PTPRD: variants seen among roughly 807,000 people sequenced by gnomAD.
PTPRD encodes receptor-type tyrosine-protein phosphatase delta.
In PTPRD, 34 loss-of-function variants were observed where a neutral mutation model predicts 214.5. That is an observed-to-expected ratio of 0.16 (90% CI 0.12 to 0.21). The LOEUF is 0.21. Among genes scored for constraint, PTPRD ranks in the 10% least tolerant of loss-of-function variants. The pLI, the probability that PTPRD is intolerant of heterozygous loss-of-function variation, is 1.00. For missense variants in PTPRD, 2,545 were observed against 2,398.7 expected (o/e 1.06, Z -1.27); for synonymous variants, 1,128 against 845.7 (o/e 1.33, Z -5.79).
intron 8 of PTPRD, among the ~76,000 whole-genome samples, chr9:9,499,801 T>C (rs1168359830): frequency 6.6e-6 from 1 of 152,132 alleles, no homozygotes; most frequent in Non-Finnish European, 1.5e-5. Flanking sequence ...CAGTGCCTGA[T>C]TTCTTTCCTT....
intron 9 of PTPRD, among the ~76,000 whole-genome samples, chr9:9,302,586 T>C (rs1188966039): frequency 2.1e-5 from 3 of 140,420 alleles, no homozygotes; most frequent in African/African-American, 7.9e-5. Flanking sequence ...CATCATGTTT[T>C]GTAGTTTTTT....
chr9:8,449,761 G>A lies in PTPRD; in HGVS notation c.3952C>T (p.Pro1318Ser), dbSNP rs2133461451. The A allele has an allele frequency of 6.2e-7, 1 of 1,614,016 alleles. No homozygotes were observed. The highest frequency in any genetic ancestry group is 2.2e-5 in the East Asian group (1 of 44,864). Reference sequence around the variant, plus strand: ...AAGTTAAGGCGCCTCAGTTCTACAGGGTCTGTTGGGTGGTGTGAAGGGATC... The same window carrying A: ...AAGTTAAGGCGCCTCAGTTCTACAGAGTCTGTTGGGTGGTGTGAAGGGATC... ...KEIPSHHPTDPVELRRLNFQT... is the reference protein window; with the variant it reads ...KEIPSHHPTDSVELRRLNFQT... The change falls in exon 34 of 46, where the codon CCT becomes TCT. Residue 1318 changes from proline to serine, a missense_variant. Transcript: ENST00000381196.
chr9:10,308,092 T>G (rs1385186814), intron 3 of PTPRD, among the ~76,000 whole-genome samples: 1 of 152,092 alleles, frequency 6.6e-6, no homozygotes, highest in African/African-American at 2.4e-5. Flanking sequence ...TGTCTATTTT[T>G]GTTTATATTG....
intron 5 of PTPRD, among the ~76,000 whole-genome samples, chr9:9,881,237 C>A (rs1393767974): frequency 6.6e-6 from 1 of 152,120 alleles, no homozygotes; most frequent in African/African-American, 2.4e-5. Context: ...TAAACAGCTA[C>A]TTTGGGACAT....
chr9:8,914,135 C>T (rs2098767966), intron 11 of PTPRD, among the ~76,000 whole-genome samples: 1 of 152,022 alleles, frequency 6.6e-6, no homozygotes, highest in Admixed American at 6.6e-5. Flanking sequence ...GGGATTTGAC[C>T]TCTAGAGTGG....
chr9:9,739,426 C>T (rs527737205), intron 6 of PTPRD, among the ~76,000 whole-genome samples: 34 of 152,016 alleles, frequency 2.2e-4, no homozygotes, highest in Middle Eastern at 3.4e-3. Context: ...CTTTTTCTTG[C>T]GCTTCTCATC....
rs181464605 is a variant in PTPRD, at chr9:8,722,036, T to C, written c.64+11744A>G. Among the ~76,000 whole-genome samples the C allele has an allele frequency of 7.9e-5, 12 of 152,302 alleles. 1 individual carries two copies. The East Asian group carries it at 2.3e-3, about 29-fold the overall frequency. On this transcript the variant is annotated intron_variant, in intron 12 of 45. Coordinates refer to ENST00000381196, the MANE Select transcript of PTPRD (RefSeq NM_002839.4). ...TGTCACAACTGGACTGTAAGCTGCT[T>C]CCTGAGTAGAATTCCTTGATAAGAA...
chr9:8,657,110 G>A (rs549555364), intron 12 of PTPRD, among the ~76,000 whole-genome samples: 2 of 150,312 alleles, frequency 1.3e-5, no homozygotes, highest in Non-Finnish European at 3.0e-5. Flanking sequence ...TCATATGTTT[G>A]TTGGTCACAT....
chr9:10,214,326 G>C (rs1448190988), intron 3 of PTPRD, among the ~76,000 whole-genome samples: 1 of 151,968 alleles, frequency 6.6e-6, no homozygotes, highest in Admixed American at 6.6e-5. Flanking sequence ...GCCCAGGCTG[G>C]AGTATAATGA....
chr9:8,785,845 A>G (rs2095928186), intron 11 of PTPRD, among the ~76,000 whole-genome samples: 1 of 152,236 alleles, frequency 6.6e-6, no homozygotes, highest in Admixed American at 6.5e-5. Context: ...AAGCATAAGG[A>G]ACACAAAAAC....
chr9:10,531,192 C>CAG (rs1566770616), intron 2 of PTPRD, among the ~76,000 whole-genome samples: 5 of 151,732 alleles, frequency 3.3e-5, no homozygotes, highest in Non-Finnish European at 5.9e-5. Flanking sequence ...TCAAGTGATC[C>CAG]GCCCTCCTCA....
intron 8 of PTPRD, among the ~76,000 whole-genome samples, chr9:9,514,615 T>C (rs1239227728): frequency 6.6e-6 from 1 of 152,126 alleles, no homozygotes; most frequent in Non-Finnish European, 1.5e-5. Context: ...TAGAAGAAAT[T>C]GTCACATCAT....
intron 2 of PTPRD, among the ~76,000 whole-genome samples, chr9:10,575,646 A>T (rs1263642717): frequency 1.3e-5 from 2 of 152,128 alleles, no homozygotes; most frequent in Non-Finnish European, 2.9e-5. Flanking sequence ...CAAGAAAAGA[A>T]AGTGGTCATT....
chr9:10,139,160 A>G (rs910554448), intron 3 of PTPRD, among the ~76,000 whole-genome samples: 1 of 152,124 alleles, frequency 6.6e-6, no homozygotes, highest in Non-Finnish European at 1.5e-5. Flanking sequence ...TTCCCCCAAA[A>G]GGCACTTAGA....
intron 3 of PTPRD, among the ~76,000 whole-genome samples, chr9:10,276,687 C>G (rs1419348064): frequency 6.6e-6 from 1 of 152,088 alleles, no homozygotes; most frequent in African/African-American, 2.4e-5. Flanking sequence ...TGGCATATGC[C>G]TAGAAAGTAA....
intron 2 of PTPRD, among the ~76,000 whole-genome samples, chr9:10,362,858 C>G (rs1246758744): frequency 6.6e-6 from 1 of 152,158 alleles, no homozygotes; most frequent in African/African-American, 2.4e-5. Context: ...CCAGCTTGGG[C>G]GACAGAGTGA....
chr9:10,008,913 A>C (rs1567060186), intron 4 of PTPRD, among the ~76,000 whole-genome samples: 1 of 151,990 alleles, frequency 6.6e-6, no homozygotes, highest in African/African-American at 2.4e-5. Flanking sequence ...GACTAACAAT[A>C]ATATAAATAA....
chr9:9,795,687 G>T (rs981070472), intron 5 of PTPRD, among the ~76,000 whole-genome samples: 11 of 151,992 alleles, frequency 7.2e-5, no homozygotes, highest in Admixed American at 6.6e-4. Flanking sequence ...CTTTGTGGTA[G>T]GACAAAAACC....
At chr9:9,179,032 G>A (rs2099926584) in intron 10 of PTPRD, among the ~76,000 whole-genome samples, 1 of 151,998 alleles carries the variant, frequency 6.6e-6, no homozygotes, top group East Asian at 1.9e-4. Context: ...CTCACTTAAT[G>A]GTATGCCTTA....
Sources: gnomAD v4.1 joint callset for allele counts (sites outside exome capture counted in the v4.1 genomes callset) on GRCh38, gnomAD v4.1.1 for gene constraint, MANE v1.5 for transcripts, NCBI Gene and HGNC (gene_info 2026-07-23, HGNC 2026-07-21) for gene names.